Variants in THSD7B observed in about 807,000 individuals in gnomAD.
The protein encoded by THSD7B is thrombospondin type 1 domain containing 7B.
A neutral mutation model predicts 213.6 loss-of-function variants in THSD7B; 138 were observed. The observed-to-expected ratio is 0.65, with a 90% CI of 0.56 to 0.74. The LOEUF is 0.74. Ranked by LOEUF, THSD7B falls within the 30% of genes least tolerant of loss-of-function variation. The pLI is 0.00. For missense variants in THSD7B, 1,931 were observed against 1,991.5 expected, an observed-to-expected ratio of 0.97 and a Z score of 0.58; for synonymous variants, 742 against 687.0, an observed-to-expected ratio of 1.08 and a Z score of -1.25.
At chr2:137,581,747 G>GA (rs1357901596) in intron 17 of THSD7B, among the ~76,000 whole-genome samples, 21 of 146,866 alleles carry the variant, frequency 1.4e-4, no homozygotes, top group Non-Finnish European at 2.7e-4. Context: ...GCGACAGAGC[G>GA]AGACTCCGTC....
intron 17 of THSD7B, among the ~76,000 whole-genome samples, chr2:137,592,250 T>C (rs967186455): frequency 6.6e-6 from 1 of 151,886 alleles, no homozygotes; most frequent in Admixed American, 6.6e-5. Context: ...TATCAAAAAA[T>C]ATGTAGCTTG....
intron 1 of THSD7B, among the ~76,000 whole-genome samples, chr2:136,781,092 G>A (rs207462421): frequency 2.0e-5 from 3 of 151,834 alleles, no homozygotes; most frequent in Non-Finnish European, 4.4e-5. Context: ...TGTGTAACAG[G>A]GTTAATAACA....
chr2:137,160,377 C>T lies in THSD7B; in HGVS notation c.1525+9C>T, dbSNP rs1214700878. The T allele has an allele frequency of 3.1e-6, 5 of 1,610,856 alleles. No individual in the cohort carries two copies. In the Admixed American group the frequency reaches 8.4e-5, roughly 27 times the overall value. ...TCCTCAGGGGAAAAAAGGTGAGTGC[C>T]TTGTTTGCATGCGCTTCATTTGCTG... On this transcript the variant is annotated intron_variant, in intron 6 of 27. Coordinates refer to ENST00000409968, the MANE Select transcript of THSD7B (RefSeq NM_001316349.2).
chr2:137,085,164 T>C (rs1052593285), intron 3 of THSD7B, among the ~76,000 whole-genome samples: 7 of 152,218 alleles, frequency 4.6e-5, no homozygotes, highest in African/African-American at 7.2e-5. Context: ...TAAAGACTTA[T>C]GGATACTGGC....
At chr2:137,573,973 A>G (rs1681409270) in intron 17 of THSD7B, among the ~76,000 whole-genome samples, 1 of 152,110 alleles carries the variant, frequency 6.6e-6, no homozygotes, top group South Asian at 2.1e-4. Context: ...TATCTGTGTG[A>G]TTATTCCATG....
At chr2:137,151,020 CAGTG>C (rs1196048579) in intron 5 of THSD7B, among the ~76,000 whole-genome samples, 1 of 152,142 alleles carries the variant, frequency 6.6e-6, no homozygotes, top group African/African-American at 2.4e-5. Flanking sequence ...CTGGGTGAAT[CAGTG>C]AGTGAGTCCT....
chr2:137,026,105 G>A (rs373045046), intron 2 of THSD7B, among the ~76,000 whole-genome samples: 22 of 152,154 alleles, frequency 1.4e-4, no homozygotes, highest in South Asian at 1.0e-3. Flanking sequence ...TCCTTCTAGC[G>A]CTAATATAGA....
At chr2:137,168,207 T>C (rs965472534) in intron 6 of THSD7B, among the ~76,000 whole-genome samples, 4 of 152,196 alleles carry the variant, frequency 2.6e-5, no homozygotes, top group African/African-American at 9.6e-5. Context: ...ACATTTCTGG[T>C]TCCTCCTGTG....
intron 2 of THSD7B, among the ~76,000 whole-genome samples, chr2:136,931,799 C>T (rs1684633794): frequency 6.6e-6 from 1 of 152,002 alleles, no homozygotes; most frequent in African/African-American, 2.4e-5. Context: ...AAAAGTAAAC[C>T]AGGACTAGCT....
At chr2:137,374,516 G>A (rs570896835) in intron 12 of THSD7B, among the ~76,000 whole-genome samples, 1 of 152,296 alleles carries the variant, frequency 6.6e-6, no homozygotes, top group South Asian at 2.1e-4. Flanking sequence ...TTATCGGTAA[G>A]TCCAATTAAT....
intron 21 of THSD7B, among the ~76,000 whole-genome samples, chr2:137,643,786 C>T (rs915554740): frequency 1.3e-5 from 2 of 152,020 alleles, no homozygotes; most frequent in Non-Finnish European, 2.9e-5. Context: ...AGAGAGAGGA[C>T]AAAGGATGGG....
chr2:137,297,461 A>C (rs1313393439), intron 12 of THSD7B, among the ~76,000 whole-genome samples: 1 of 151,676 alleles, frequency 6.6e-6, no homozygotes, highest in Non-Finnish European at 1.5e-5. Flanking sequence ...TGCAAATTCC[A>C]GGTAAGAAAT....
intron 1 of THSD7B, among the ~76,000 whole-genome samples, chr2:136,807,187 C>G (rs1682297310): frequency 6.6e-6 from 1 of 152,048 alleles, no homozygotes; most frequent in Non-Finnish European, 1.5e-5. Flanking sequence ...TAAGTAGAGC[C>G]CAAACTTAAG....
chr2:136,780,265 C>T (rs1281972667), intron 1 of THSD7B, among the ~76,000 whole-genome samples: 1 of 152,072 alleles, frequency 6.6e-6, no homozygotes. Flanking sequence ...AACATTGCGT[C>T]CTCATATGGC....
At chr2:136,941,011 C>T (rs1684817923) in intron 2 of THSD7B, among the ~76,000 whole-genome samples, 1 of 151,908 alleles carries the variant, frequency 6.6e-6, no homozygotes, top group African/African-American at 2.4e-5. Flanking sequence ...CTCCAGCCCC[C>T]CACCCCATGA....
In THSD7B at chr2:137,303,730, A is replaced by ATATATATTTT. The variant is rs1553437376; in HGVS notation, c.2500+27711_2500+27712insTTTTATATAT. Among the ~76,000 whole-genome samples the ATATATATTTT allele has an allele frequency of 1.8e-4, 23 of 126,686 alleles. 1 individual carries two copies. Among genetic ancestry groups the ATATATATTTT allele is most frequent in the African/African-American group, 7.2e-4 (22 of 30,592 alleles). 83.1% of individuals were successfully genotyped at this position (126,686 alleles called of 152,430 possible). ...TATATATATATTTATATATATATTTATATATATATTTATATATATATACAG... is the reference window on the plus strand; with the variant it reads ...TATATATATATTTATATATATATTTATATATATTTTTATATATATTTATATATATATACAG... On this transcript the variant is annotated intron_variant, in intron 12 of 27. Transcript: ENST00000409968.
At chr2:137,362,220 A>G (rs940598092) in intron 12 of THSD7B, among the ~76,000 whole-genome samples, 4 of 152,140 alleles carry the variant, frequency 2.6e-5, no homozygotes, top group Non-Finnish European at 2.9e-5. Flanking sequence ...CCTTACGAGA[A>G]CTCCTGAAGG....
intron 7 of THSD7B, among the ~76,000 whole-genome samples, chr2:137,187,058 TTATGTGATTGGGTAAAGAAAGTATAGA>T (rs1680565216): frequency 6.6e-6 from 1 of 152,100 alleles, no homozygotes; most frequent in Admixed American, 6.6e-5. Context: ...TCCAAGTGGC[TTATGTGATTGGGTAAAGAAAGTATAGA>T]TATGCTTTCC....
At chr2:137,148,786 C>T (rs936043303) in intron 5 of THSD7B, among the ~76,000 whole-genome samples, 8 of 152,026 alleles carry the variant, frequency 5.3e-5, no homozygotes, top group Non-Finnish European at 8.8e-5. Flanking sequence ...AAATTTGCAG[C>T]AAAGTGCTCA....
Sources: gnomAD v4.1 joint callset for allele counts (sites outside exome capture counted in the v4.1 genomes callset) on GRCh38, gnomAD v4.1.1 for gene constraint, MANE v1.5 for transcripts, NCBI Gene and HGNC (gene_info 2026-07-23, HGNC 2026-07-21) for gene names.